The following CADM2 variants were observed in gnomAD, a reference collection of about 807,000 sequenced individuals.
CADM2 encodes the protein cell adhesion molecule 2, also known as immunoglobulin superfamily member 4D.
A neutral mutation model predicts 49.8 loss-of-function variants in CADM2; 12 were observed. The ratio of observed to expected loss-of-function variants is 0.24; its 90% CI spans 0.15 to 0.39. The LOEUF (loss-of-function observed/expected upper bound fraction) is 0.39, where lower values mean the gene tolerates loss of function less well. Ranked by LOEUF, CADM2 falls within the 10% of genes least tolerant of loss-of-function variation. The pLI is 1.00. For missense variants in CADM2, 378 were observed against 492.3 expected (o/e 0.77, Z 2.20); for synonymous variants, 214 against 175.4 (o/e 1.22, Z -1.74).
At chr3:85,741,999 C>T (rs762286540) in intron 2 of CADM2, among the ~76,000 whole-genome samples, 2 of 152,094 alleles carry the variant, frequency 1.3e-5, no homozygotes, top group African/African-American at 2.4e-5. Context: ...CTTGTTTGTC[C>T]AGTAACTTGA....
At chr3:85,826,801 A>C (rs2073935771) in intron 3 of CADM2, among the ~76,000 whole-genome samples, 1 of 152,004 alleles carries the variant, frequency 6.6e-6, no homozygotes, top group Non-Finnish European at 1.5e-5. Context: ...GTATATTAAA[A>C]GTTTTATTTT....
intron 8 of CADM2, among the ~76,000 whole-genome samples, chr3:86,060,042 G>A (rs1225139219): frequency 6.6e-6 from 1 of 152,076 alleles, no homozygotes; most frequent in Non-Finnish European, 1.5e-5. Context: ...GGAAGTTGAA[G>A]TATTTCCTTC....
intron 1 of CADM2, among the ~76,000 whole-genome samples, chr3:85,238,784 A>G (rs1461055983): frequency 6.6e-6 from 1 of 151,896 alleles, no homozygotes; most frequent in Non-Finnish European, 1.5e-5. Context: ...CCCCAAATAC[A>G]ATTTACTTTG....
At chr3:85,696,510 T>G (rs1048923568) in intron 1 of CADM2, among the ~76,000 whole-genome samples, 6 of 152,084 alleles carry the variant, frequency 3.9e-5, no homozygotes, top group Non-Finnish European at 8.8e-5. Context: ...CCAGGACCAT[T>G]TATCGAATAG....
At chr3:85,242,530 T>C (rs922781163) in intron 1 of CADM2, among the ~76,000 whole-genome samples, 2 of 151,710 alleles carry the variant, frequency 1.3e-5, no homozygotes, top group Non-Finnish European at 3.0e-5. Context: ...ATATTCTAAT[T>C]TTCAAATGTT....
intron 5 of CADM2, among the ~76,000 whole-genome samples, chr3:85,894,065 C>G (rs1006776217): frequency 6.6e-6 from 1 of 152,138 alleles, no homozygotes; most frequent in African/African-American, 2.4e-5. Flanking sequence ...TATTGCGGCA[C>G]TATTCACGAT....
intron 1 of CADM2, among the ~76,000 whole-genome samples, chr3:84,984,052 C>T (rs1694895): frequency 0.42 from 51,883 of 122,938 alleles, 9,219 homozygotes; most frequent in African/African-American, 0.5. Context: ...TATATATACA[C>T]ACACACACAC....
chr3:85,701,579 G>A (rs1241367492), intron 1 of CADM2, among the ~76,000 whole-genome samples: 1 of 152,036 alleles, frequency 6.6e-6, no homozygotes, highest in Non-Finnish European at 1.5e-5. Context: ...TTGAGGAGTG[G>A]CAAAGAATTT....
rs139498380 is a variant in CADM2 at position 85,272,373 on chromosome 3, GTTA to G, written c.61+312710_61+312712del. On this transcript the variant is annotated intron_variant, in intron 1 of 9. Coordinates refer to ENST00000383699, the MANE Select transcript of CADM2 (RefSeq NM_001167675.2). ...CATTTTCTTGATGAAAAAGAAGTAT[GTTA>G]TTATATGCCATTTTAAATCAAATTT... 6.9e-3 allele frequency among the ~76,000 whole-genome samples: 1,045 copies of G among 151,180 alleles called. 8 individuals are homozygous for G. The highest frequency in any genetic ancestry group is 0.023 in the African/African-American group (958 of 41,358).
chr3:86,011,426 G>C (rs1340186903), intron 8 of CADM2, among the ~76,000 whole-genome samples: 5 of 151,956 alleles, frequency 3.3e-5, no homozygotes, highest in Admixed American at 1.3e-4. Context: ...TTTGAAAATT[G>C]GAAAACTCCA....
At chr3:85,680,303 C>T (rs2066003683) in intron 1 of CADM2, among the ~76,000 whole-genome samples, 1 of 151,946 alleles carries the variant, frequency 6.6e-6, no homozygotes, top group Non-Finnish European at 1.5e-5. Context: ...TCATTTTGGT[C>T]TGAATCGGTG....
At position 85,894,468 on chromosome 3, in the gene CADM2, C is replaced by T. The variant is rs570868794; in HGVS notation, c.529+8141C>T. Among the ~76,000 whole-genome samples the T allele has an allele frequency of 2.6e-5, 4 of 152,046 alleles. No homozygotes were observed. The East Asian group carries it at 7.7e-4, about 29-fold the overall frequency. ...ATATGTAACTAACCTGCATGTTGTGCACATGTACCCTAAAACTTAAAGTAT... is the reference window on the plus strand; with the variant it reads ...ATATGTAACTAACCTGCATGTTGTGTACATGTACCCTAAAACTTAAAGTAT... On this transcript the variant is annotated intron_variant, in intron 5 of 9. Coordinates refer to ENST00000383699, the MANE Select transcript of CADM2 (RefSeq NM_001167675.2).
At chr3:85,447,000 A>ATG (rs1171388750) in intron 1 of CADM2, among the ~76,000 whole-genome samples, 7 of 119,782 alleles carry the variant, frequency 5.8e-5, no homozygotes, top group Non-Finnish European at 1.1e-4. Flanking sequence ...GCATATATAT[A>ATG]TATATATATA....
intron 1 of CADM2, among the ~76,000 whole-genome samples, chr3:85,394,986 G>A (rs1338655494): frequency 2.0e-5 from 3 of 151,998 alleles, no homozygotes; most frequent in Non-Finnish European, 2.9e-5. Context: ...AACATTTAAT[G>A]TATGATACTT....
At chr3:85,673,900 G>A (rs1204066626) in intron 1 of CADM2, among the ~76,000 whole-genome samples, 1 of 152,108 alleles carries the variant, frequency 6.6e-6, no homozygotes, top group Non-Finnish European at 1.5e-5. Flanking sequence ...TATTAGGATT[G>A]CCATTAAAAA....
chr3:85,381,181 T>G (rs2033883938), intron 1 of CADM2, among the ~76,000 whole-genome samples: 1 of 152,014 alleles, frequency 6.6e-6, no homozygotes. Context: ...AAGACAAATG[T>G]GGCTGATTGG....
rs1446416742 is a variant in CADM2, at chr3:85,793,394, T to C, written c.89-8653T>C. On this transcript the variant is annotated intron_variant, in intron 2 of 9. Transcript: ENST00000383699. ...ACAGAGTAGAGGAAAAAAGGGAGCC[T>C]ATTTGAAGGATTTTTATTGGAAGAA... is the stretch of plus-strand genomic sequence containing the variant. Among the ~76,000 whole-genome samples, 3 of 152,122 alleles carry C rather than the reference T, an allele frequency of 2.0e-5. No homozygotes were observed. In the South Asian group the frequency reaches 6.2e-4, roughly 31 times the overall value.
chr3:85,403,904 T>C (rs17022767), intron 1 of CADM2, among the ~76,000 whole-genome samples: 3,133 of 152,154 alleles, frequency 0.021, 102 homozygotes, highest in African/African-American at 0.071. Context: ...TATTGTACTT[T>C]TTGCCAAATC....
intron 1 of CADM2, among the ~76,000 whole-genome samples, chr3:85,018,959 A>G (rs2034378552): frequency 6.6e-6 from 1 of 152,154 alleles, no homozygotes; most frequent in Non-Finnish European, 1.5e-5. Flanking sequence ...ATCAGCCAGC[A>G]GATGAAAGGA....
Sources: gnomAD v4.1 joint callset for allele counts (sites outside exome capture counted in the v4.1 genomes callset) on GRCh38, gnomAD v4.1.1 for gene constraint, MANE v1.5 for transcripts, NCBI Gene and HGNC (gene_info 2026-07-23, HGNC 2026-07-21) for gene names.